Variants in PLD5 observed in about 807,000 individuals in gnomAD.
PLD5 encodes phospholipase D family member 5.
Under a neutral mutation model 61.1 loss-of-function variants are expected in PLD5, and 36 were observed. That is an observed-to-expected ratio of 0.59 (90% CI 0.45 to 0.78). The LOEUF (loss-of-function observed/expected upper bound fraction) is 0.78, where lower values mean the gene tolerates loss of function less well. Ranked by LOEUF, PLD5 falls within the 30% of genes least tolerant of loss-of-function variation. The probability of loss-of-function intolerance (pLI) is 0.00; values close to 1 mark genes in which losing one functional copy is unlikely to be tolerated. For synonymous variants in PLD5, 243 were observed against 242.8 expected (o/e 1.00, Z -0.01); for missense variants, 515 against 644.4 (o/e 0.80, Z 2.17).
At chr1:242,212,534 A>G (rs1255221861) in intron 5 of PLD5, among the ~76,000 whole-genome samples, 1 of 152,236 alleles carries the variant, frequency 6.6e-6, no homozygotes. Context: ...CAGGCCCAGC[A>G]TGCAGAAGCT....
At position 242,352,004 on chromosome 1, in the gene PLD5, T is replaced by C. The variant is rs1217322926; in HGVS notation, c.190-3762A>G. Among the ~76,000 whole-genome samples, 3 of 152,238 alleles carry C rather than the reference T, an allele frequency of 2.0e-5. No homozygotes were observed. The East Asian group carries it at 5.8e-4, about 29-fold the overall frequency. On this transcript the variant is annotated intron_variant, in intron 1 of 9. Coordinates refer to ENST00000536534, the MANE Select transcript of PLD5 (RefSeq NM_001372062.1). The stretch of plus-strand genomic sequence containing the variant: ...ACAAAGTGATTTTTTACAATATCGG[T>C]AGAATCATAAGTTATAAAACTGTCC...
At chr1:242,113,217 G>A (rs993837721) in intron 7 of PLD5, among the ~76,000 whole-genome samples, 2 of 151,078 alleles carry the variant, frequency 1.3e-5, no homozygotes, top group Non-Finnish European at 1.5e-5. Context: ...AGCCTCCCGA[G>A]TAGCTGGGAC....
At chr1:242,328,704 A>G (rs1658980564) in intron 2 of PLD5, among the ~76,000 whole-genome samples, 1 of 152,224 alleles carries the variant, frequency 6.6e-6, no homozygotes, top group Non-Finnish European at 1.5e-5. Context: ...AAAGAGTAGT[A>G]AAGAACTACT....
chr1:242,466,689 T>C (rs1462440271), intron 1 of PLD5, among the ~76,000 whole-genome samples: 1 of 152,048 alleles, frequency 6.6e-6, no homozygotes, highest in East Asian at 1.9e-4. Context: ...GTTAAGGAGT[T>C]CGAGACCAGC....
chr1:242,486,026 A>G (rs1256820672), intron 1 of PLD5, among the ~76,000 whole-genome samples: 1 of 152,108 alleles, frequency 6.6e-6, no homozygotes, highest in African/African-American at 2.4e-5. Context: ...AGAAAGCTGA[A>G]ACTGGATCCC....
chr1:242,503,862 C>A (rs369599288), intron 1 of PLD5, among the ~76,000 whole-genome samples: 2 of 152,068 alleles, frequency 1.3e-5, no homozygotes, highest in Non-Finnish European at 2.9e-5. Flanking sequence ...CCTGCTGATG[C>A]GGAGCAGAAA....
At chr1:242,202,592 T>C (rs1669050865) in intron 5 of PLD5, among the ~76,000 whole-genome samples, 1 of 152,162 alleles carries the variant, frequency 6.6e-6, no homozygotes, top group African/African-American at 2.4e-5. Flanking sequence ...TGGCTGTCCA[T>C]CACTGGACAG....
At chr1:242,203,492 C>T (rs1203692805) in intron 5 of PLD5, 1 of 152,354 alleles carries the variant, frequency 6.6e-6, no homozygotes, top group East Asian at 1.9e-4. Flanking sequence ...GGAGGGGCCT[C>T]GTGGGAGGTG....
chr1:242,274,547 G>A (rs1051534449), intron 3 of PLD5, among the ~76,000 whole-genome samples: 7 of 152,206 alleles, frequency 4.6e-5, no homozygotes, highest in African/African-American at 1.4e-4. Flanking sequence ...AAGGTCAGGA[G>A]ATCGAGACCA....
At chr1:242,161,661 G>A (rs538790404) in intron 5 of PLD5, among the ~76,000 whole-genome samples, 1 of 152,278 alleles carries the variant, frequency 6.6e-6, no homozygotes, top group Admixed American at 6.5e-5. Flanking sequence ...TGCACACACA[G>A]TCACAGCAGT....
chr1:242,468,196 T>G (rs1233542869), intron 1 of PLD5, among the ~76,000 whole-genome samples: 8 of 152,222 alleles, frequency 5.3e-5, no homozygotes, highest in Admixed American at 4.6e-4. Context: ...ATTTATTGAC[T>G]TTAAGCATTT....
upstream of PLD5, among the ~76,000 whole-genome samples, chr1:242,528,540 C>A (rs2103018808): frequency 6.6e-6 from 1 of 150,870 alleles, no homozygotes; most frequent in African/African-American, 2.5e-5. Flanking sequence ...AATTTAAGAC[C>A]AAAAGTATCA....
intron 1 of PLD5, among the ~76,000 whole-genome samples, chr1:242,435,760 A>G (rs1665964572): frequency 6.6e-6 from 1 of 152,190 alleles, no homozygotes; most frequent in African/African-American, 2.4e-5. Context: ...GACTTTATGG[A>G]ATGTAACTGC....
At chr1:242,178,465 C>A (rs937258601) in intron 5 of PLD5, 4 of 152,214 alleles carry the variant, frequency 2.6e-5, no homozygotes, top group South Asian at 2.1e-4. Context: ...TTTTTCTTCA[C>A]AAATCCATCA....
intron 1 of PLD5, among the ~76,000 whole-genome samples, chr1:242,512,869 A>AT (rs869134912): frequency 1.6e-5 from 1 of 62,742 alleles, no homozygotes; most frequent in East Asian, 2.5e-4. Context: ...ATTCTTTTTT[A>AT]TTTTTTCTTT....
chr1:242,500,928 G>A (rs1029437402), intron 1 of PLD5, among the ~76,000 whole-genome samples: 1 of 152,138 alleles, frequency 6.6e-6, no homozygotes, highest in Non-Finnish European at 1.5e-5. Flanking sequence ...GCAACTAGAA[G>A]CCATATCCAC....
At chr1:242,153,544 G>A (rs1257488796) in intron 5 of PLD5, among the ~76,000 whole-genome samples, 1 of 152,076 alleles carries the variant, frequency 6.6e-6, no homozygotes, top group African/African-American at 2.4e-5. Context: ...GTAAGGAAGG[G>A]GTCCAGTTTC....
At chr1:242,284,464 C>A (rs1290073498) in intron 3 of PLD5, among the ~76,000 whole-genome samples, 1 of 152,088 alleles carries the variant, frequency 6.6e-6, no homozygotes, top group South Asian at 2.1e-4. Flanking sequence ...CCAAGAAATG[C>A]GGTCTTCAGA....
At chr1:242,350,979 G>A (rs1286547598) in intron 1 of PLD5, among the ~76,000 whole-genome samples, 2 of 149,292 alleles carry the variant, frequency 1.3e-5, no homozygotes, top group African/African-American at 2.5e-5. Flanking sequence ...ACCGCTCACC[G>A]CAACCTCTAC....
Sources: allele counts gnomAD v4.1 joint callset (sites outside exome capture counted in the v4.1 genomes callset), GRCh38; gene constraint gnomAD v4.1.1; transcripts MANE v1.5; gene names NCBI Gene and HGNC (gene_info 2026-07-23, HGNC 2026-07-21).